The following PTPRT variants were observed in gnomAD, a reference collection of about 807,000 sequenced individuals.
PTPRT encodes receptor-type tyrosine-protein phosphatase T.
A neutral mutation model predicts 176.8 loss-of-function variants in PTPRT; 56 were observed. That is an observed-to-expected ratio of 0.32 (90% CI 0.26 to 0.40). The LOEUF is 0.40. Ranked by LOEUF, PTPRT falls within the 10% of genes least tolerant of loss-of-function variation. The probability of loss-of-function intolerance (pLI) is 1.00; values close to 1 mark genes in which losing one functional copy is unlikely to be tolerated. For missense variants in PTPRT, 1,540 were observed against 1,908.2 expected (o/e 0.81, Z 3.60); for synonymous variants, 783 against 739.0 (o/e 1.06, Z -0.96).
chr20:42,481,516 T>C (rs575646089), intron 7 of PTPRT, among the ~76,000 whole-genome samples: 1 of 152,318 alleles, frequency 6.6e-6, no homozygotes, highest in East Asian at 1.9e-4. Context: ...TCAACCACAG[T>C]AATCAATTGC....
chr20:42,338,169 T>G (rs2145463524), intron 11 of PTPRT, among the ~76,000 whole-genome samples: 1 of 152,374 alleles, frequency 6.6e-6, no homozygotes, highest in Admixed American at 6.5e-5. Flanking sequence ...GCTTTTTCAA[T>G]TAGGCACTCT....
chr20:42,316,022 T>C (rs757893714), intron 11 of PTPRT, 26 bp from the exon 12 acceptor site: 13 of 1,609,944 alleles, frequency 8.1e-6, no homozygotes, highest in African/African-American at 1.3e-5. Context: ...GAGACACAGA[T>C]GGTTGAGCAA....
At chr20:42,896,441 G>A (rs1163309784) in intron 1 of PTPRT, among the ~76,000 whole-genome samples, 2 of 152,100 alleles carry the variant, frequency 1.3e-5, no homozygotes, top group African/African-American at 4.8e-5. Context: ...TTTGAGACCA[G>A]CCTGGCCAAC....
At chr20:42,935,721 CCAG>C (rs1980146385) in intron 1 of PTPRT, among the ~76,000 whole-genome samples, 1 of 152,032 alleles carries the variant, frequency 6.6e-6, no homozygotes, top group South Asian at 2.1e-4. Flanking sequence ...CTAGTCTAGT[CCAG>C]TCCAGTCCAG....
intron 7 of PTPRT, among the ~76,000 whole-genome samples, chr20:42,676,851 C>T (rs2146058965): frequency 6.6e-6 from 1 of 152,276 alleles, no homozygotes; most frequent in South Asian, 2.1e-4. Flanking sequence ...TACAGTGAGA[C>T]ACATGTTGTT....
chr20:42,369,040 C>T (rs1052376286), intron 9 of PTPRT, among the ~76,000 whole-genome samples: 2 of 150,726 alleles, frequency 1.3e-5, no homozygotes, highest in African/African-American at 4.9e-5. Context: ...TCCCTTCTTT[C>T]TCCCCTTCCC....
At chr20:42,906,976 C>T (rs564529969) in intron 1 of PTPRT, among the ~76,000 whole-genome samples, 138 of 152,202 alleles carry the variant, frequency 9.1e-4, no homozygotes, top group African/African-American at 3.2e-3. Flanking sequence ...ACAAAGAGCA[C>T]ACCATGTCAC....
chr20:42,987,133 T>C (rs1983635986), intron 1 of PTPRT, among the ~76,000 whole-genome samples: 1 of 151,918 alleles, frequency 6.6e-6, no homozygotes, highest in African/African-American at 2.4e-5. Flanking sequence ...CCTCCCTCTG[T>C]TGTTTCCACC....
At chr20:42,401,781 C>T (rs2058910952) in intron 9 of PTPRT, among the ~76,000 whole-genome samples, 1 of 152,170 alleles carries the variant, frequency 6.6e-6, no homozygotes, top group African/African-American at 2.4e-5. Flanking sequence ...TCACTGCCAG[C>T]CCGATCACCA....
intron 6 of PTPRT, among the ~76,000 whole-genome samples, chr20:42,718,479 G>A (rs1267781402): frequency 6.6e-6 from 1 of 152,188 alleles, no homozygotes; most frequent in African/African-American, 2.4e-5. Flanking sequence ...GGAGCTTGCA[G>A]TGGGCCGAGA....
chr20:42,995,867 G>T (rs1221964418), intron 1 of PTPRT, among the ~76,000 whole-genome samples: 1 of 152,010 alleles, frequency 6.6e-6, no homozygotes, highest in Non-Finnish European at 1.5e-5. Flanking sequence ...TGTTGCCCAG[G>T]CTGAACTGCA....
At chr20:42,726,628 C>T (rs1437739730) in intron 6 of PTPRT, among the ~76,000 whole-genome samples, 1 of 152,210 alleles carries the variant, frequency 6.6e-6, no homozygotes, top group Admixed American at 6.5e-5. Flanking sequence ...TTGTAAGCTT[C>T]ACTTTACCAT....
intron 9 of PTPRT, among the ~76,000 whole-genome samples, chr20:42,381,367 C>T (rs147050340): frequency 2.0e-5 from 3 of 152,242 alleles, no homozygotes; most frequent in Non-Finnish European, 2.9e-5. Context: ...CCCAATTTGC[C>T]GCTTTCTATT....
chr20:42,347,470 CT>C (rs1201701053), intron 11 of PTPRT, among the ~76,000 whole-genome samples: 1 of 152,164 alleles, frequency 6.6e-6, no homozygotes, highest in African/African-American at 2.4e-5. Flanking sequence ...TTCATATCAT[CT>C]TACAGTGGAA....
chr20:42,817,778 G>C (rs2077815315), intron 2 of PTPRT, among the ~76,000 whole-genome samples: 1 of 152,160 alleles, frequency 6.6e-6, no homozygotes, highest in Admixed American at 6.5e-5. Context: ...GCCTCTTCAG[G>C]CCTAACCCTG....
chr20:42,660,915 G>A (rs1050969364), intron 7 of PTPRT, among the ~76,000 whole-genome samples: 10 of 152,120 alleles, frequency 6.6e-5, no homozygotes, highest in Non-Finnish European at 1.5e-4. Context: ...GCAGTGGCAT[G>A]ATGTCGGCTC....
intron 1 of PTPRT, among the ~76,000 whole-genome samples, chr20:43,058,472 A>C (rs1293618502): frequency 6.6e-6 from 1 of 152,202 alleles, no homozygotes; most frequent in African/African-American, 2.4e-5. Flanking sequence ...AAGGCAAGAG[A>C]AAATCTGCCC....
rs114296713 is a variant in PTPRT at position 42,941,809 on chromosome 20, A to G, written c.89-55877T>C. Among the ~76,000 whole-genome samples the G allele has an allele frequency of 3.5e-3, 529 of 152,308 alleles. 1 individual carries two copies. Among genetic ancestry groups the G allele is most frequent in the African/African-American group, 0.012 (499 of 41,572 alleles). On this transcript the variant is annotated intron_variant, in intron 1 of 30. Coordinates refer to ENST00000373187, the MANE Select transcript of PTPRT (RefSeq NM_007050.6). ...TATTAGCAAAATGGAACATCCTCCA[A>G]GTAGAAAATTATGCTGATGTCAAAC...
At chr20:42,595,026 A>T (rs568647126) in intron 7 of PTPRT, among the ~76,000 whole-genome samples, 4 of 152,268 alleles carry the variant, frequency 2.6e-5, no homozygotes, top group African/African-American at 9.6e-5. Flanking sequence ...AGGACAAGTA[A>T]TGTTGGTCAG....
Sources: allele counts gnomAD v4.1 joint callset (sites outside exome capture counted in the v4.1 genomes callset), GRCh38; gene constraint gnomAD v4.1.1; transcripts MANE v1.5; gene names NCBI Gene and HGNC (gene_info 2026-07-23, HGNC 2026-07-21).